Variants in SORBS2 observed in about 807,000 individuals in gnomAD.
SORBS2 encodes the protein sorbin and SH3 domain containing 2, also known as sorbin and SH3 domain-containing protein 2.
SORBS2 carries 46 observed loss-of-function variants against 97.7 expected under a neutral mutation model. The observed-to-expected ratio is 0.47, with a 90% CI of 0.37 to 0.60. SORBS2 has a LOEUF of 0.60. Among genes scored for constraint, SORBS2 ranks in the 20% least tolerant of loss-of-function variants. The probability of loss-of-function intolerance (pLI) is 0.00; values close to 1 mark genes in which losing one functional copy is unlikely to be tolerated. For synonymous variants in SORBS2, 476 were observed against 473.4 expected (o/e 1.01, Z -0.07); for missense variants, 1,316 against 1,282.3 (o/e 1.03, Z -0.40).
In SORBS2 at chr4:185,620,049, A is replaced by G. The variant is rs2096693238; in HGVS notation, c.2304+14T>C. ...TGTTGCTGTGAAAGACTCCAATGCT[A>G]TTAAATTAACTACCTCTTTTTCTGG... On this transcript the variant is annotated intron_variant, in intron 8 of 14. Coordinates refer to ENST00000418609, the Ensembl canonical transcript of SORBS2. 2 of 1,527,536 alleles carry G rather than the reference A, an allele frequency of 1.3e-6. No homozygotes were observed. The highest frequency in any genetic ancestry group is 4.5e-5 in the East Asian group (2 of 44,480). 94.6% of individuals were successfully genotyped at this position (1,527,536 alleles called of 1,614,324 possible). A position where few individuals can be genotyped will look rare whatever the true frequency, so the allele number is the denominator to read the frequency against.
At chr4:185,877,826 C>T (rs1369046475) in intron 1 of SORBS2, among the ~76,000 whole-genome samples, 5 of 134,548 alleles carry the variant, frequency 3.7e-5, no homozygotes, top group African/African-American at 1.4e-4. Flanking sequence ...GCCGAGATAG[C>T]ATCACTGCAC....
intron 2 of SORBS2, among the ~76,000 whole-genome samples, chr4:185,702,251 A>G (rs7340770): frequency 0.39 from 58,689 of 151,996 alleles, 13,110 homozygotes; most frequent in South Asian, 0.52. Context: ...CTTGGGTTTT[A>G]GAGAGGCCTC....
At chr4:185,680,795 C>T (rs2097857005) in intron 2 of SORBS2, among the ~76,000 whole-genome samples, 1 of 152,114 alleles carries the variant, frequency 6.6e-6, no homozygotes, top group Admixed American at 6.6e-5. Context: ...TAGAAATAAA[C>T]TCCCTCTAAA....
At chr4:185,811,932 C>A (rs1454205680) in intron 1 of SORBS2, 2 of 152,296 alleles carry the variant, frequency 1.3e-5, no homozygotes, top group East Asian at 3.8e-4. Context: ...AGCTAGGGAG[C>A]TGCTGAGATA....
chr4:185,616,599 A>C (rs200673318), intron 9 of SORBS2, among the ~76,000 whole-genome samples: 3,390 of 152,324 alleles, frequency 0.022, 175 homozygotes, highest in East Asian at 0.19. Flanking sequence ...CAAAGCTATG[A>C]AAAAGACTCT....
intron 1 of SORBS2, among the ~76,000 whole-genome samples, chr4:185,908,298 T>TTTGTATACACACAA (rs2099252495): frequency 2.1e-5 from 2 of 95,348 alleles, no homozygotes; most frequent in South Asian, 2.9e-4. Flanking sequence ...TATATATATA[T>TTTGTATACACACAA]ATATATATAT....
chr4:185,698,621 G>A (rs772931354), intron 2 of SORBS2, among the ~76,000 whole-genome samples: 146 of 152,302 alleles, frequency 9.6e-4, no homozygotes, highest in East Asian at 1.2e-3. Flanking sequence ...AGGGGTTAGG[G>A]AAAAGAACAA....
intron 4 of SORBS2, among the ~76,000 whole-genome samples, chr4:185,631,533 C>T (rs146655115): frequency 0.018 from 2,799 of 152,116 alleles, 85 homozygotes; most frequent in African/African-American, 0.064. Flanking sequence ...GAGGCCAACG[C>T]GGGTGGATCA....
chr4:185,614,623 C>T (rs28695938), intron 11 of SORBS2: 40,668 of 554,320 alleles, frequency 0.073, 1,729 homozygotes, highest in African/African-American at 0.11. Flanking sequence ...CCTGGTATCC[C>T]ACGGGGAACT....
At chr4:185,700,147 CT>C (rs1257346394) in intron 2 of SORBS2, among the ~76,000 whole-genome samples, 4 of 152,148 alleles carry the variant, frequency 2.6e-5, no homozygotes, top group Non-Finnish European at 5.9e-5. Flanking sequence ...AAGAGACTGG[CT>C]TTTCAAAAAT....
intron 1 of SORBS2, among the ~76,000 whole-genome samples, chr4:185,936,450 T>A (rs909525290): frequency 6.6e-5 from 10 of 152,198 alleles, no homozygotes; most frequent in African/African-American, 2.2e-4. Flanking sequence ...AAAGTACGTA[T>A]GGGAACTCAC....
chr4:185,854,277 C>G (rs1438579607), intron 1 of SORBS2, among the ~76,000 whole-genome samples: 1 of 152,174 alleles, frequency 6.6e-6, no homozygotes, highest in Admixed American at 6.5e-5. Context: ...AGCTTGGCTA[C>G]GAAATGCAGT....
chr4:185,730,075 C>A (rs1480815408), intron 2 of SORBS2, among the ~76,000 whole-genome samples: 1 of 152,130 alleles, frequency 6.6e-6, no homozygotes, highest in Non-Finnish European at 1.5e-5. Flanking sequence ...GCCTCAGCCT[C>A]CCGAGTAGCT....
At chr4:185,947,306 A>G (rs989043797) in intron 1 of SORBS2, among the ~76,000 whole-genome samples, 19 of 152,158 alleles carry the variant, frequency 1.2e-4, no homozygotes, top group African/African-American at 3.6e-4. Context: ...CAGGGAACGG[A>G]AGCCTGTTTC....
intron 2 of SORBS2, chr4:185,774,296 A>G (rs2098988880): frequency 6.6e-5 from 10 of 152,208 alleles, no homozygotes; most frequent in Admixed American, 6.5e-4. Flanking sequence ...GAACTTTACC[A>G]GAGAACACTT....
intron 2 of SORBS2, among the ~76,000 whole-genome samples, chr4:185,679,870 T>C (rs1009202165): frequency 3.3e-5 from 5 of 152,234 alleles, no homozygotes; most frequent in Non-Finnish European, 5.9e-5. Context: ...ATGATAAAAA[T>C]GGGCTGAGAA....
exon 12 of SORBS2, chr4:185,611,948 A>T: frequency 6.2e-7 from 1 of 1,612,810 alleles, no homozygotes; most frequent in East Asian, 2.2e-5. Flanking sequence ...ACCAGTTTTG[A>T]TCAACTCTTT....
At chr4:185,593,269 C>T (rs2096001158) in intron 13 of SORBS2, 1 of 152,340 alleles carries the variant, frequency 6.6e-6, no homozygotes, top group African/African-American at 2.4e-5. Context: ...AAGAAACACA[C>T]AGAGAGAATC....
chr4:185,777,786 C>CAA (rs34060946), intron 1 of SORBS2, among the ~76,000 whole-genome samples: 15 of 146,046 alleles, frequency 1.0e-4, no homozygotes, highest in Non-Finnish European at 2.1e-4. Flanking sequence ...GGTCTTTATA[C>CAA]AAAAAAAAAA....
Sources: allele counts gnomAD v4.1 joint callset (sites outside exome capture counted in the v4.1 genomes callset), GRCh38; gene constraint gnomAD v4.1.1; transcripts MANE v1.5; gene names NCBI Gene and HGNC (gene_info 2026-07-23, HGNC 2026-07-21).